The following ATPSCKMT variants were observed in gnomAD, a reference collection of about 807,000 sequenced individuals.
ATPSCKMT encodes ATP synthase c subunit lysine N-methyltransferase.
ATPSCKMT carries 24 observed loss-of-function variants against 24.3 expected under a neutral mutation model. The ratio of observed to expected loss-of-function variants is 0.99; its 90% CI spans 0.71 to 1.39. The LOEUF (loss-of-function observed/expected upper bound fraction) is 1.39. Among genes scored for constraint, ATPSCKMT ranks in the 40% most tolerant of loss-of-function variants. The probability of loss-of-function intolerance (pLI) is 0.00; values close to 1 mark genes in which losing one functional copy is unlikely to be tolerated. For synonymous variants in ATPSCKMT, 95 were observed against 110.5 expected, an observed-to-expected ratio of 0.86 and a Z score of 0.88; for missense variants, 311 against 298.4, an observed-to-expected ratio of 1.04 and a Z score of -0.31.
At chr5:10,235,988 A>C (rs1744357972) in intron 3 of ATPSCKMT, among the ~76,000 whole-genome samples, 1 of 152,242 alleles carries the variant, frequency 6.6e-6, no homozygotes, top group African/African-American at 2.4e-5. Flanking sequence ...GCAAAATTAC[A>C]GGGCATTTTT....
rs1744714368 is a variant in ATPSCKMT at position 10,242,888 on chromosome 5, T to C, written c.17-3532A>G. Among the ~76,000 whole-genome samples the C allele has an allele frequency of 2.0e-5, 3 of 152,192 alleles. No individual in the cohort carries two copies. The South Asian group carries it at 6.2e-4, about 32-fold the overall frequency. On this transcript the variant is annotated intron_variant, in intron 1 of 4. Coordinates refer to ENST00000511437, the MANE Select transcript of ATPSCKMT (RefSeq NM_199133.4). ...GTGCATTATCAATGAGCAGTAATAT[T>C]TTGAAAGGAATCCTTTTTCTGATCA... is the stretch of plus-strand genomic sequence containing the variant.
intron 4 of ATPSCKMT, 132 bp downstream of exon 4, chr5:10,235,079 G>C: frequency 1.4e-6 from 1 of 695,454 alleles, no homozygotes. Context: ...TTAAATCAAT[G>C]AACTGAAATC....
At chr5:10,236,644 A>G in intron 2 of ATPSCKMT, 29 bp from the exon 3 acceptor site, 1 of 1,603,770 alleles carries the variant, frequency 6.2e-7, no homozygotes, top group Non-Finnish European at 8.5e-7. Flanking sequence ...TTTATTCAAA[A>G]TAAGAAGAAA....
chr5:10,239,077 T>C lies in ATPSCKMT; in HGVS notation c.296A>G (p.Asp99Gly), dbSNP rs1744502829. ...RGSLVDIGSGDGRIVIAAAKK... is the reference protein window; with the variant it reads ...RGSLVDIGSGGGRIVIAAAKK... The stretch of plus-strand genomic sequence containing the variant: ...TTTAGCAGAACTCACAATGCGTCCG[T>C]CCCCACTACCGATGTCCACAAGGGA... The change falls in exon 2 of 5, where the codon GAC becomes GGC. Residue 99 changes from aspartate (D) to glycine (G), a missense_variant. Transcript: ENST00000511437. The C allele has an allele frequency of 1.2e-6, 2 of 1,613,630 alleles. No individual in the cohort carries two copies. The highest frequency in any genetic ancestry group is 3.3e-5 in the Admixed American group (2 of 59,974).
rs1433215018 is a variant in ATPSCKMT, at chr5:10,226,730, C to T, written c.*711G>A. On this transcript the variant is annotated 3_prime_UTR_variant, in exon 5 of 5. Coordinates refer to ENST00000511437, the MANE Select transcript of ATPSCKMT (RefSeq NM_199133.4). ...GTGCCATGAGTTTTAGAAATTGGTC[C>T]CCACTCCACTGTTATGTGTACCATT... The T allele has an allele frequency of 6.6e-6, 1 of 152,100 alleles. No individual in the cohort carries two copies. Among genetic ancestry groups the T allele is most frequent in the East Asian group, 1.9e-4 (1 of 5,192 alleles). 9.4% of individuals were successfully genotyped at this position (152,100 alleles called of 1,614,324 possible).
At chr5:10,244,494 G>A (rs1161567298) in intron 1 of ATPSCKMT, 2 of 152,040 alleles carry the variant, frequency 1.3e-5, no homozygotes, top group African/African-American at 4.8e-5. Flanking sequence ...GGGAATTTGA[G>A]ACCAGCCTGC....
chr5:10,232,056 A>C (rs908983517), intron 4 of ATPSCKMT, among the ~76,000 whole-genome samples: 9 of 152,146 alleles, frequency 5.9e-5, no homozygotes, highest in Non-Finnish European at 1.3e-4. Context: ...TAAAACCATC[A>C]GCCGGACATG....
chr5:10,233,619 A>G (rs11750843), intron 4 of ATPSCKMT, among the ~76,000 whole-genome samples: 61,581 of 150,696 alleles, frequency 0.41, 13,698 homozygotes, highest in Non-Finnish European at 0.5. Context: ...AAACATGGTA[A>G]GAAGCACCCG....
chr5:10,247,812 G>A (rs1745001078), intron 1 of ATPSCKMT, among the ~76,000 whole-genome samples: 1 of 152,182 alleles, frequency 6.6e-6, no homozygotes, highest in South Asian at 2.1e-4. Context: ...GGCTGCAGTG[G>A]CCACTGGCTA....
intron 2 of ATPSCKMT, among the ~76,000 whole-genome samples, chr5:10,238,226 T>TG (rs1287165377): frequency 6.6e-6 from 1 of 152,194 alleles, no homozygotes; most frequent in African/African-American, 2.4e-5. Context: ...ACCGTACACC[T>TG]GCACATGGTT....
intron 4 of ATPSCKMT, among the ~76,000 whole-genome samples, chr5:10,231,538 G>A (rs1420014431): frequency 3.3e-5 from 5 of 151,598 alleles, no homozygotes; most frequent in African/African-American, 9.7e-5. Context: ...CCTGCTTGCT[G>A]CACTGCCCCC....
intron 4 of ATPSCKMT, among the ~76,000 whole-genome samples, chr5:10,229,014 G>A (rs1744007819): frequency 6.6e-6 from 1 of 152,150 alleles, no homozygotes; most frequent in Admixed American, 6.5e-5. Context: ...TTGCAGAAAA[G>A]GTTGCATACA....
chr5:10,240,572 T>TG (rs1182913422), intron 1 of ATPSCKMT, among the ~76,000 whole-genome samples: 1 of 151,982 alleles, frequency 6.6e-6, no homozygotes, highest in African/African-American at 2.4e-5. Context: ...ATCTGCAAAG[T>TG]GGGGGTCACA....
Position 10,249,864 on chromosome 5 carries a change from C to T in ATPSCKMT, c.10G>A (p.Gly4Arg), listed in dbSNP as rs1745233300. The T allele has an allele frequency of 1.3e-6, 2 of 1,559,388 alleles. No individual in the cohort carries two copies. The highest frequency in any genetic ancestry group is 1.7e-6 in the Non-Finnish European group (2 of 1,157,932). The change falls in exon 1 of 5, where the codon GGA becomes AGA. Residue 4 changes from glycine to arginine, a missense_variant. Coordinates refer to ENST00000511437, the MANE Select transcript of ATPSCKMT (RefSeq NM_199133.4). MEG[G>R]GGIPLETLKE... ...CAAGCCGCTCCAGCCTCACCTCCTC[C>T]TCCCTCCATCGCGAGATTTCCAACA...
chr5:10,241,764 C>T (rs1328152849), intron 1 of ATPSCKMT, among the ~76,000 whole-genome samples: 2 of 152,106 alleles, frequency 1.3e-5, no homozygotes, highest in Non-Finnish European at 2.9e-5. Flanking sequence ...TATTTAGTTC[C>T]AGACCACTGC....
chr5:10,227,541 T>A lies in ATPSCKMT; in HGVS notation c.602A>T (p.Glu201Val), dbSNP rs1184525091. The A allele has an allele frequency of 2.5e-6, 4 of 1,613,878 alleles. No individual in the cohort carries two copies. In the African/African-American group the frequency reaches 4.0e-5, roughly 16 times the overall value. ...ATATGCCCACACTGTGTCTATCCCC[T>A]CCCCCGTGACGTGGTCTGGAGTCCA... The part of the protein sequence containing the change: ...PHWTPDHVTG[E>V]GIDTVWAYDA... Residue 201 changes from glutamate to valine, a missense_variant, in exon 5 of 5, where the codon GAG becomes GTG. Glu to Val is a moderately radical substitution (Grantham distance 121, BLOSUM62 -2). Transcript: ENST00000511437.
chr5:10,231,853 G>T (rs1744152474), intron 4 of ATPSCKMT, among the ~76,000 whole-genome samples: 2 of 152,214 alleles, frequency 1.3e-5, no homozygotes, highest in Admixed American at 6.5e-5. Context: ...AAGAAAAAGT[G>T]ATTCAGCTAC....
At position 10,239,450 on chromosome 5, in the gene ATPSCKMT, C is replaced by T. The variant is rs541452357; in HGVS notation, c.17-94G>A. The T allele has an allele frequency of 8.8e-5, 99 of 1,124,546 alleles. No individual in the cohort carries two copies. The South Asian group carries it at 1.4e-3, about 16-fold the overall frequency. The allele number at this position is 1,124,546 out of a possible 1,614,324, so 69.7% of individuals were successfully genotyped here. A position where few individuals can be genotyped will look rare whatever the true frequency, so the allele number is the denominator to read the frequency against. On this transcript the variant is annotated intron_variant, in intron 1 of 4. Transcript: ENST00000511437. Reference sequence around the variant, plus strand: ...TACAATTCTCATTGGCAAACAAACTCATGCTTTTTAAAGGATAATTTAGCT... The same window carrying T: ...TACAATTCTCATTGGCAAACAAACTTATGCTTTTTAAAGGATAATTTAGCT...
chr5:10,227,277 C>A lies in ATPSCKMT; in HGVS notation c.*164G>T. The A allele has an allele frequency of 2.8e-6, 2 of 714,992 alleles. No individual in the cohort carries two copies. Among genetic ancestry groups the A allele is most frequent in the Non-Finnish European group, 4.5e-6 (2 of 446,158 alleles). The allele number at this position is 714,992 out of a possible 1,614,324, so 44.3% of individuals were successfully genotyped here. ...ATAGCATCAAAAGCAGATTTTAAAT[C>A]TACCTGTTTTTCTTCGTTTGTTTTC... On this transcript the variant is annotated 3_prime_UTR_variant, in exon 5 of 5. Transcript: ENST00000511437.
Sources: gnomAD v4.1 joint callset for allele counts (sites outside exome capture counted in the v4.1 genomes callset) on GRCh38, gnomAD v4.1.1 for gene constraint, MANE v1.5 for transcripts, NCBI Gene and HGNC (gene_info 2026-07-23, HGNC 2026-07-21) for gene names.